The following CAB39L variants were observed in gnomAD, a reference collection of about 807,000 sequenced individuals.
The protein encoded by CAB39L is calcium binding protein 39 like, also known as calcium-binding protein 39-like.
In CAB39L, 23 loss-of-function variants were observed where a neutral mutation model predicts 39.1. That is an observed-to-expected ratio of 0.59 (90% CI 0.42 to 0.83). The LOEUF is 0.83. CAB39L is among the 40% of genes least tolerant of loss of function. CAB39L has a pLI of 0.00. For missense variants in CAB39L, 366 were observed against 391.9 expected, an observed-to-expected ratio of 0.93 and a Z score of 0.56; for synonymous variants, 126 against 137.2, an observed-to-expected ratio of 0.92 and a Z score of 0.57.
intron 4 of CAB39L, among the ~76,000 whole-genome samples, chr13:49,377,882 G>T (rs1423917773): frequency 2.7e-4 from 22 of 81,646 alleles, no homozygotes; most frequent in African/African-American, 6.5e-4. Flanking sequence ...GTCTCCGCCC[G>T]GCCGCCATCC....
At chr13:49,329,571 ATATATATATATATATATAT>A (rs1954622838) in intron 10 of CAB39L, among the ~76,000 whole-genome samples, 1 of 78,120 alleles carries the variant, frequency 1.3e-5, no homozygotes, top group Non-Finnish European at 2.7e-5. Flanking sequence ...ATATATATAT[ATATATATATATATATATAT>A]ATATATAATG....
At chr13:49,427,541 T>C (rs1247808183) in intron 3 of CAB39L, among the ~76,000 whole-genome samples, 1 of 152,030 alleles carries the variant, frequency 6.6e-6, no homozygotes, top group Non-Finnish European at 1.5e-5. Context: ...ATAAAAGAAT[T>C]AGCTGGGCGT....
chr13:49,380,263 C>T (rs113512671), intron 4 of CAB39L, among the ~76,000 whole-genome samples: 1,593 of 152,228 alleles, frequency 0.01, 11 homozygotes, highest in South Asian at 0.035. Flanking sequence ...TTATTTAAAG[C>T]ATTGTGTTAA....
intron 9 of CAB39L, among the ~76,000 whole-genome samples, chr13:49,337,211 A>G (rs1056354827): frequency 2.6e-5 from 4 of 152,260 alleles, no homozygotes; most frequent in African/African-American, 4.8e-5. Context: ...TATGAATGCC[A>G]TCATCTTGAC....
chr13:49,332,795 T>A (rs1954748126), intron 9 of CAB39L, among the ~76,000 whole-genome samples: 1 of 151,840 alleles, frequency 6.6e-6, no homozygotes, highest in South Asian at 2.1e-4. Context: ...TCACCATAAT[T>A]CTGGAGAACA....
chr13:49,375,327 AGT>A (rs1310614782), intron 5 of CAB39L, among the ~76,000 whole-genome samples: 1 of 152,216 alleles, frequency 6.6e-6, no homozygotes, highest in African/African-American at 2.4e-5. Flanking sequence ...TTCCGAGTCA[AGT>A]GTGTTTTTCA....
rs149099231 is a variant in CAB39L at position 49,383,794 on chromosome 13, C to T, written c.-31-853G>A. 3.3e-5 allele frequency among the ~76,000 whole-genome samples: 5 copies of T among 152,234 alleles called. No individual in the cohort carries two copies. The East Asian group carries it at 9.6e-4, about 29-fold the overall frequency. ...CTAACTTGCACATTGTGCACATGTA[C>T]CCTAAAACTTAAAGTATAATAAAAC... On this transcript the variant is annotated intron_variant, in intron 3 of 10. Transcript: ENST00000409308.
intron 6 of CAB39L, among the ~76,000 whole-genome samples, chr13:49,355,128 C>A (rs547987332): frequency 7.2e-5 from 11 of 151,762 alleles, no homozygotes; most frequent in Admixed American, 3.3e-4. Flanking sequence ...ATAATCCCAG[C>A]ACTTTGGGAG....
chr13:49,405,770 AGAGGGAGG>A (rs756720474), intron 3 of CAB39L, among the ~76,000 whole-genome samples: 1 of 69,794 alleles, frequency 1.4e-5, no homozygotes, highest in East Asian at 2.9e-4. Flanking sequence ...ACGGAGGGAC[AGAGGGAGG>A]GAGGGAGGGA....
chr13:49,366,763 C>T (rs1297212268), intron 5 of CAB39L, among the ~76,000 whole-genome samples: 2 of 151,846 alleles, frequency 1.3e-5, no homozygotes, highest in Non-Finnish European at 2.9e-5. Flanking sequence ...CACATGTAAT[C>T]CCAGCACTTT....
At chr13:49,312,864 C>T (rs1954036028) in intron 10 of CAB39L, among the ~76,000 whole-genome samples, 1 of 152,130 alleles carries the variant, frequency 6.6e-6, no homozygotes, top group African/African-American at 2.4e-5. Flanking sequence ...ACCATTGTGC[C>T]TCAAGAGTCT....
rs1483647028 is a variant in CAB39L at position 49,309,010 on chromosome 13, C to G, written c.*1804G>C. The G allele has an allele frequency of 6.6e-6, 1 of 152,228 alleles. No homozygotes were observed. Among genetic ancestry groups the G allele is most frequent in the Non-Finnish European group, 1.5e-5 (1 of 68,042 alleles). 9.4% of individuals were successfully genotyped at this position (152,228 alleles called of 1,614,324 possible). On this transcript the variant is annotated 3_prime_UTR_variant, in exon 11 of 11. Coordinates refer to ENST00000409308, the MANE Select transcript of CAB39L (RefSeq NM_001079670.3). ...ACAGACGTCCCAAGATGTTGTGGAA[C>G]AGTATTAAGTAACCAAATACAATTC...
chr13:49,416,671 C>T (rs1268098521), intron 3 of CAB39L, among the ~76,000 whole-genome samples: 2 of 152,206 alleles, frequency 1.3e-5, no homozygotes, highest in Non-Finnish European at 2.9e-5. Flanking sequence ...GGACAAATTA[C>T]TTAACCTCTC....
At chr13:49,339,180 G>C (rs1256343971) in intron 9 of CAB39L, among the ~76,000 whole-genome samples, 1 of 145,154 alleles carries the variant, frequency 6.9e-6, no homozygotes, top group Non-Finnish European at 1.5e-5. Context: ...GCCCAGGCTG[G>C]AGTACATTGG....
intron 7 of CAB39L, among the ~76,000 whole-genome samples, chr13:49,346,490 C>T (rs924483716): frequency 2.6e-5 from 4 of 152,036 alleles, no homozygotes; most frequent in Admixed American, 6.6e-5. Flanking sequence ...TACCTCCTAA[C>T]AATTCTGTTT....
At chr13:49,361,187 C>G (rs1038115122) in intron 5 of CAB39L, among the ~76,000 whole-genome samples, 13 of 151,916 alleles carry the variant, frequency 8.6e-5, no homozygotes, top group African/African-American at 3.1e-4. Flanking sequence ...GAAAAAAGTC[C>G]AATACAAAAA....
At chr13:49,381,507 C>A (rs958755611) in intron 4 of CAB39L, among the ~76,000 whole-genome samples, 2 of 152,140 alleles carry the variant, frequency 1.3e-5, no homozygotes, top group Admixed American at 6.5e-5. Flanking sequence ...TCTCTTGTGA[C>A]AAACATGTCT....
chr13:49,382,898 G>C lies in CAB39L; in HGVS notation c.13C>G (p.Pro5Ala). The change falls in exon 4 of 11, where the codon CCT (proline) becomes GCT (alanine). Residue 5 changes from proline (P) to alanine (A), a missense_variant. Pro to Ala is a conservative substitution (Grantham distance 27, BLOSUM62 -1). Transcript: ENST00000409308. ...TTTTTGTGTGATTTACTAAACAAAGGCATTTTTTTCATGTGTAGAAATCTC... is the reference window on the plus strand; with the variant it reads ...TTTTTGTGTGATTTACTAAACAAAGCCATTTTTTTCATGTGTAGAAATCTC... MKKM[P>A]LFSKSHKNPA... The C allele has an allele frequency of 6.2e-7, 1 of 1,604,196 alleles. No individual in the cohort carries two copies. Among genetic ancestry groups the C allele is most frequent in the Non-Finnish European group, 8.5e-7 (1 of 1,173,308 alleles).
intron 3 of CAB39L, among the ~76,000 whole-genome samples, chr13:49,415,850 A>T (rs1957076765): frequency 6.6e-6 from 1 of 152,246 alleles, no homozygotes; most frequent in African/African-American, 2.4e-5. Context: ...CTAATTTTTT[A>T]AAAATTATAA....
Sources: gnomAD v4.1 joint callset for allele counts (sites outside exome capture counted in the v4.1 genomes callset) on GRCh38, gnomAD v4.1.1 for gene constraint, MANE v1.5 for transcripts, NCBI Gene and HGNC (gene_info 2026-07-23, HGNC 2026-07-21) for gene names.